The following MDGA2 variants were observed in gnomAD, a reference collection of about 807,000 sequenced individuals.
MDGA2 encodes MAM domain-containing glycosylphosphatidylinositol anchor protein 2.
MDGA2 carries 40 observed loss-of-function variants against 117.8 expected under a neutral mutation model. That is an observed-to-expected ratio of 0.34 (90% CI 0.26 to 0.44). The LOEUF is 0.44. Among genes scored for constraint, MDGA2 ranks in the 20% least tolerant of loss-of-function variants. The pLI is 1.00. For synonymous variants in MDGA2, 452 were observed against 439.0 expected, an observed-to-expected ratio of 1.03 and a Z score of -0.37; for missense variants, 1,123 against 1,250.6, an observed-to-expected ratio of 0.90 and a Z score of 1.54.
chr14:47,424,331 G>A (rs1361197752), intron 1 of MDGA2, among the ~76,000 whole-genome samples: 3 of 151,928 alleles, frequency 2.0e-5, no homozygotes, highest in South Asian at 2.1e-4. Context: ...GCTGATGTGG[G>A]AAGAGGATTT....
intron 3 of MDGA2, among the ~76,000 whole-genome samples, chr14:47,179,763 A>T (rs888836470): frequency 6.6e-6 from 1 of 152,120 alleles, no homozygotes; most frequent in African/African-American, 2.4e-5. Flanking sequence ...TTCAAATTCA[A>T]ATATTTCTTC....
chr14:46,912,276 C>T (rs2138485100), intron 10 of MDGA2, among the ~76,000 whole-genome samples: 1 of 152,286 alleles, frequency 6.6e-6, no homozygotes, highest in East Asian at 1.9e-4. Context: ...AATGCACATT[C>T]ACACACTGTC....
chr14:47,143,644 A>G (rs937648392), intron 4 of MDGA2, among the ~76,000 whole-genome samples: 10 of 152,212 alleles, frequency 6.6e-5, no homozygotes, highest in Non-Finnish European at 1.0e-4. Context: ...TTAAAGACAT[A>G]TCTTTCCTAA....
intron 1 of MDGA2, among the ~76,000 whole-genome samples, chr14:47,434,206 T>C (rs901431469): frequency 2.0e-5 from 3 of 152,098 alleles, no homozygotes; most frequent in South Asian, 2.1e-4. Flanking sequence ...TGAGTGTTTT[T>C]CTGTGATACT....
intron 1 of MDGA2, among the ~76,000 whole-genome samples, chr14:47,581,984 T>G (rs1386849123): frequency 6.6e-6 from 1 of 151,890 alleles, no homozygotes; most frequent in African/African-American, 2.4e-5. Flanking sequence ...CTTCAGTAAA[T>G]TAACTTCTGC....
chr14:47,399,340 C>A (rs1892083780), intron 1 of MDGA2, among the ~76,000 whole-genome samples: 1 of 152,102 alleles, frequency 6.6e-6, no homozygotes, highest in African/African-American at 2.4e-5. Flanking sequence ...ATAAAGGACC[C>A]ACAGAAATTG....
At position 46,921,789 on chromosome 14, in the gene MDGA2, G is replaced by A. The variant is rs534007819; in HGVS notation, c.2090-1629C>T. ...TAGTAGCTGAGTTAGACAGCTAGAG[G>A]TTTTAATTAAAAATACACATCCAAT... is the stretch of plus-strand genomic sequence containing the variant. On this transcript the variant is annotated intron_variant, in intron 9 of 16. Transcript: ENST00000399232. 5.9e-5 allele frequency among the ~76,000 whole-genome samples: 9 copies of A among 152,226 alleles called. No individual in the cohort carries two copies. The East Asian group carries it at 1.5e-3, about 26-fold the overall frequency.
chr14:47,410,818 AC>A (rs573030271), intron 1 of MDGA2, among the ~76,000 whole-genome samples: 103 of 152,332 alleles, frequency 6.8e-4, no homozygotes, highest in African/African-American at 2.1e-3. Context: ...TATCAAATTT[AC>A]TTTTTTACTA....
chr14:47,121,442 A>G (rs1284436373), intron 5 of MDGA2, among the ~76,000 whole-genome samples: 3 of 152,052 alleles, frequency 2.0e-5, no homozygotes, highest in Non-Finnish European at 4.4e-5. Flanking sequence ...TTTGCCAACT[A>G]TTGACAAAAT....
chr14:47,191,020 C>T (rs1160013804), intron 3 of MDGA2, among the ~76,000 whole-genome samples: 1 of 151,854 alleles, frequency 6.6e-6, no homozygotes, highest in African/African-American at 2.4e-5. Context: ...TGAGACTTGC[C>T]CTATGGTTCT....
intron 1 of MDGA2, among the ~76,000 whole-genome samples, chr14:47,588,302 T>G (rs1896371272): frequency 6.8e-6 from 1 of 146,582 alleles, no homozygotes; most frequent in Non-Finnish European, 1.5e-5. Context: ...TGGTGGCTCA[T>G]AAGTAATTTA....
At chr14:46,973,563 A>G (rs1445304518) in intron 8 of MDGA2, among the ~76,000 whole-genome samples, 1 of 152,132 alleles carries the variant, frequency 6.6e-6, no homozygotes, top group Non-Finnish European at 1.5e-5. Context: ...GACAGGACCC[A>G]GCCTGCTTTG....
chr14:47,491,815 C>T (rs1460085194), intron 1 of MDGA2, among the ~76,000 whole-genome samples: 2 of 151,378 alleles, frequency 1.3e-5, no homozygotes, highest in South Asian at 4.2e-4. Context: ...AAAAAAAAGA[C>T]ATTAAAGCTA....
chr14:47,555,542 C>T (rs1429756232), intron 1 of MDGA2, among the ~76,000 whole-genome samples: 4 of 152,080 alleles, frequency 2.6e-5, no homozygotes, highest in Non-Finnish European at 5.9e-5. Flanking sequence ...ATCCCATATC[C>T]TCAGAAGGAA....
intron 10 of MDGA2, among the ~76,000 whole-genome samples, chr14:46,885,368 T>A (rs1012005421): frequency 4.6e-5 from 7 of 152,140 alleles, no homozygotes; most frequent in Admixed American, 6.6e-5. Context: ...TATTAAAAAC[T>A]CATTTTGATA....
chr14:47,558,007 T>C (rs963234362), intron 1 of MDGA2, among the ~76,000 whole-genome samples: 1 of 152,216 alleles, frequency 6.6e-6, no homozygotes, highest in Non-Finnish European at 1.5e-5. Context: ...GTGTGAATAG[T>C]CTACTTTCTA....
intron 5 of MDGA2, among the ~76,000 whole-genome samples, chr14:47,126,906 T>C (rs1267821255): frequency 2.6e-5 from 4 of 152,130 alleles, no homozygotes; most frequent in African/African-American, 9.6e-5. Flanking sequence ...CTGTATCATT[T>C]GGGCATTGTG....
chr14:47,163,994 C>G (rs1451680014), intron 3 of MDGA2, among the ~76,000 whole-genome samples: 1 of 152,194 alleles, frequency 6.6e-6, no homozygotes, highest in East Asian at 1.9e-4. Flanking sequence ...TGTCATCTAG[C>G]TCACAGACTG....
At chr14:47,176,997 G>T (rs1231427815) in intron 3 of MDGA2, among the ~76,000 whole-genome samples, 3 of 152,050 alleles carry the variant, frequency 2.0e-5, no homozygotes, top group African/African-American at 7.2e-5. Context: ...CGAAGGACAT[G>T]AACAGACACT....
Sources: allele counts gnomAD v4.1 joint callset (sites outside exome capture counted in the v4.1 genomes callset), GRCh38; gene constraint gnomAD v4.1.1; transcripts MANE v1.5; gene names NCBI Gene and HGNC (gene_info 2026-07-23, HGNC 2026-07-21).